The following DACH2 variants were observed in gnomAD, a reference collection of about 807,000 sequenced individuals.
DACH2 encodes the protein dachshund family transcription factor 2, also known as dachshund homolog 2.
In DACH2, 17 loss-of-function variants were observed where a neutral mutation model predicts 35.8. The ratio of observed to expected loss-of-function variants is 0.48; its 90% CI spans 0.33 to 0.71. The LOEUF (loss-of-function observed/expected upper bound fraction) is 0.71. Among genes scored for constraint, DACH2 ranks in the 30% least tolerant of loss-of-function variants. DACH2 has a pLI of 0.02. For synonymous variants in DACH2, 195 were observed against 177.3 expected, an observed-to-expected ratio of 1.10 and a Z score of -0.79; for missense variants, 469 against 472.7, an observed-to-expected ratio of 0.99 and a Z score of 0.07.
At chrX:86,245,537 G>A (rs754757228) in intron 1 of DACH2, among the ~76,000 whole-genome samples, 1 of 111,935 alleles carries the variant, frequency 8.9e-6, no homozygotes, top group African/African-American at 3.2e-5. Flanking sequence ...AGCCCCGCGA[G>A]GTTATAGCAT....
intron 3 of DACH2, among the ~76,000 whole-genome samples, chrX:86,636,012 C>A (rs2040261149): frequency 8.9e-6 from 1 of 112,146 alleles, no homozygotes; most frequent in African/African-American, 3.2e-5. Context: ...ACATTCTTCA[C>A]AAACCCAGAG....
At chrX:86,690,168 T>G in intron 4 of DACH2, among the ~76,000 whole-genome samples, 1 of 112,105 alleles carries the variant, frequency 8.9e-6, no homozygotes. Flanking sequence ...GAATGATTGC[T>G]TGGAATTTTT....
chrX:86,526,694 A>G (rs996512805), intron 3 of DACH2, among the ~76,000 whole-genome samples: 15 of 110,546 alleles, frequency 1.4e-4, no homozygotes, highest in Non-Finnish European at 2.7e-4. Flanking sequence ...TTTAATGTAT[A>G]CCTGAAAGTG....
chrX:86,830,663 C>G (rs1363905601), intron 11 of DACH2: 3 of 111,549 alleles, frequency 2.7e-5, no homozygotes, highest in African/African-American at 9.8e-5. Flanking sequence ...TTCATGTACC[C>G]TTTTTAAGGG....
chrX:86,768,597 G>T (rs2147292515), intron 7 of DACH2, among the ~76,000 whole-genome samples: 1 of 111,476 alleles, frequency 9.0e-6, no homozygotes, highest in Admixed American at 9.5e-5. Flanking sequence ...GTGTTCAGCA[G>T]AATTTCATTA....
At chrX:86,728,216 G>A (rs2041492865) in intron 6 of DACH2, among the ~76,000 whole-genome samples, 1 of 112,168 alleles carries the variant, frequency 8.9e-6, no homozygotes, top group East Asian at 2.8e-4. Flanking sequence ...CTAGGGATCT[G>A]TGGAAGTTTG....
At chrX:86,299,344 C>A (rs1282169675) in intron 1 of DACH2, among the ~76,000 whole-genome samples, 1 of 111,465 alleles carries the variant, frequency 9.0e-6, no homozygotes, top group East Asian at 2.8e-4. Context: ...CTTTTCCATG[C>A]CCCCAATGAG....
At chrX:86,683,897 A>G (rs1401444245) in intron 4 of DACH2, among the ~76,000 whole-genome samples, 1 of 111,417 alleles carries the variant, frequency 9.0e-6, no homozygotes, top group Admixed American at 9.6e-5. Flanking sequence ...TCCAAAGCCC[A>G]TAGATATTAA....
chrX:86,259,512 G>T (rs1430446504), intron 1 of DACH2, among the ~76,000 whole-genome samples: 1 of 111,583 alleles, frequency 9.0e-6, no homozygotes, highest in African/African-American at 3.3e-5. Flanking sequence ...GAACTACAGG[G>T]TGTTGAGGGG....
At chrX:86,329,841 G>A (rs993819898) in intron 1 of DACH2, among the ~76,000 whole-genome samples, 7 of 111,756 alleles carry the variant, frequency 6.3e-5, no homozygotes, top group African/African-American at 1.3e-4. Flanking sequence ...AAACCATTGC[G>A]GACATTGATC....
At chrX:86,398,646 T>C (rs1337258665) in intron 2 of DACH2, among the ~76,000 whole-genome samples, 2 of 112,150 alleles carry the variant, frequency 1.8e-5, no homozygotes, top group Non-Finnish European at 3.8e-5. Flanking sequence ...TTTCGTTATG[T>C]ACCCAGTGGT....
At chrX:86,590,055 A>G (rs2039623485) in intron 3 of DACH2, among the ~76,000 whole-genome samples, 1 of 111,862 alleles carries the variant, frequency 8.9e-6, no homozygotes, top group Admixed American at 9.5e-5. Context: ...CTGGGGGAAC[A>G]AAGAGAAAGA....
intron 7 of DACH2, among the ~76,000 whole-genome samples, chrX:86,759,383 C>T (rs772046018): frequency 9.0e-6 from 1 of 111,495 alleles, no homozygotes; most frequent in East Asian, 2.8e-4. Context: ...TTGTCTCTCT[C>T]TGTTCTCTCT....
chrX:86,301,449 A>T (rs1322658598), intron 1 of DACH2, among the ~76,000 whole-genome samples: 1 of 111,912 alleles, frequency 8.9e-6, no homozygotes, highest in Non-Finnish European at 1.9e-5. Context: ...TATAAAAAAA[A>T]CTGCCCTGTG....
At chrX:86,177,375 T>G (rs890544032) in intron 1 of DACH2, among the ~76,000 whole-genome samples, 2 of 112,157 alleles carry the variant, frequency 1.8e-5, no homozygotes, top group African/African-American at 6.5e-5. Context: ...TAACCTCACA[T>G]GGAAGCTACT....
chrX:86,458,076 T>A (rs1187308705), intron 2 of DACH2, among the ~76,000 whole-genome samples: 1 of 111,975 alleles, frequency 8.9e-6, no homozygotes, highest in Non-Finnish European at 1.9e-5. Flanking sequence ...GAAATCTGAT[T>A]GAGAAGAAAC....
chrX:86,247,451 T>A (rs2033308706), intron 1 of DACH2, among the ~76,000 whole-genome samples: 1 of 110,478 alleles, frequency 9.1e-6, no homozygotes, highest in Non-Finnish European at 1.9e-5. Flanking sequence ...TACCACCAAC[T>A]CCACAGAAAT....
chrX:86,625,074 C>T (rs1055927586), intron 3 of DACH2, among the ~76,000 whole-genome samples: 2 of 111,230 alleles, frequency 1.8e-5, no homozygotes, highest in East Asian at 2.8e-4. Flanking sequence ...GATATTGGTT[C>T]CAAACAGAAA....
At chrX:86,592,079 T>A (rs1488020324) in intron 3 of DACH2, among the ~76,000 whole-genome samples, 1 of 111,257 alleles carries the variant, frequency 9.0e-6, no homozygotes, top group African/African-American at 3.3e-5. Flanking sequence ...TATGGTGTTA[T>A]ATCTAAAAAG....
Sources: gnomAD v4.1 joint callset for allele counts (sites outside exome capture counted in the v4.1 genomes callset) on GRCh38, gnomAD v4.1.1 for gene constraint, MANE v1.5 for transcripts, NCBI Gene and HGNC (gene_info 2026-07-23, HGNC 2026-07-21) for gene names.